UROC1: variants seen among roughly 807,000 people sequenced by gnomAD.
UROC1 encodes urocanate hydratase 1, also known as urocanate hydratase.
In UROC1, 79 loss-of-function variants were observed where a neutral mutation model predicts 89.5. The ratio of observed to expected loss-of-function variants is 0.88; its 90% confidence interval spans 0.74 to 1.06. The LOEUF (loss-of-function observed/expected upper bound fraction) is 1.06, where lower values mean the gene tolerates loss of function less well. UROC1 is among the 50% of genes least tolerant of loss of function. UROC1 has a pLI of 0.00. For missense variants in UROC1, 885 were observed against 907.8 expected, an observed-to-expected ratio of 0.97 and a Z score of 0.32; for synonymous variants, 361 against 354.8, an observed-to-expected ratio of 1.02 and a Z score of -0.20.
In UROC1 at chr3:126,492,445, G is replaced by A. The variant is rs1560117715; in HGVS notation, c.1581C>T (p.Asn527=). 1.2e-6 allele frequency: 2 copies of A among 1,613,626 alleles called. No individual in the cohort carries two copies. Among genetic ancestry groups the A allele is most frequent in the South Asian group, 2.2e-5 (2 of 91,052 alleles). The change falls in exon 16 of 20, where the codon AAC becomes AAT. Residue 527 remains asparagine (N), a synonymous_variant. Coordinates refer to ENST00000290868, the MANE Select transcript of UROC1 (RefSeq NM_144639.3). ...KGRVAIAVAI[N]QAIACRRIKA... is the part of the protein sequence containing the mutation. ...TGATCCTCCTGCAGGCGATGGCCTG[G>A]TTAATGGCCACAGCGATGGCCACGC...
At chr3:126,507,643 A>C in intron 6 of UROC1, 99 bp downstream of exon 6, 1 of 1,223,002 alleles carries the variant, frequency 8.2e-7, no homozygotes, top group Non-Finnish European at 1.2e-6. Context: ...TTCTGTGACT[A>C]TGTCTTTCAA....
chr3:126,495,974 C>T, intron 15 of UROC1, 64 bp downstream of exon 15: 2 of 1,536,168 alleles, frequency 1.3e-6, no homozygotes, highest in Non-Finnish European at 1.8e-6. Flanking sequence ...TCAGCAGCAC[C>T]TCACCTTTGG....
At chr3:126,498,026 T>C (rs913293163) in intron 14 of UROC1, 25 bp downstream of exon 14, 5 of 1,613,734 alleles carry the variant, frequency 3.1e-6, no homozygotes, top group East Asian at 2.2e-5. Context: ...CACCCACCCA[T>C]GGGCATCCCC....
At chr3:126,497,723 C>T (rs4322954) in intron 14 of UROC1, among the ~76,000 whole-genome samples, 39,840 of 152,196 alleles carry the variant, frequency 0.26, 5,546 homozygotes, top group East Asian at 0.56. Context: ...CTGCTTCAGC[C>T]GCTTTGAGGG....
chr3:126,484,001 G>A (rs1935453385), intron 18 of UROC1, among the ~76,000 whole-genome samples: 1 of 94,300 alleles, frequency 1.1e-5, no homozygotes, highest in Non-Finnish European at 2.5e-5. Flanking sequence ...ATAGGCATGG[G>A]CCACTGTGCC....
At chr3:126,496,829 T>A (rs914018555) in intron 14 of UROC1, among the ~76,000 whole-genome samples, 1 of 152,258 alleles carries the variant, frequency 6.6e-6, no homozygotes, top group Admixed American at 6.5e-5. Context: ...CTTCACAGCC[T>A]TCGACTAGAG....
intron 4 of UROC1, 127 bp downstream of exon 4, chr3:126,508,289 C>A: frequency 7.3e-7 from 1 of 1,378,254 alleles, no homozygotes; most frequent in Non-Finnish European, 1.0e-6. Context: ...ATCTCCAATG[C>A]TGGAGCCTCA....
chr3:126,503,508 C>T (rs888880966), intron 9 of UROC1, among the ~76,000 whole-genome samples: 5 of 152,226 alleles, frequency 3.3e-5, no homozygotes, highest in South Asian at 4.1e-4. Context: ...CCCTCAGCAC[C>T]GTGGGCGAAG....
chr3:126,499,323 C>T lies in UROC1; in HGVS notation c.1316+14G>A, dbSNP rs780820607. 1.7e-5 allele frequency: 27 copies of T among 1,609,314 alleles called. No homozygotes were observed. In the Admixed American group the frequency reaches 1.7e-4, roughly 10 times the overall value. On this transcript the variant is annotated intron_variant, in intron 13 of 19. Transcript: ENST00000290868. ...CACTGGGCACACTAGATGTGGCAGC[C>T]GCCCATCACTCACCCCATGATGTGC... is the stretch of plus-strand genomic sequence containing the variant.
Position 126,494,152 on chromosome 3 carries a change from A to C in UROC1, c.1510-1636T>G, listed in dbSNP as rs1935720752. Among the ~76,000 whole-genome samples, 5 of 152,230 alleles carry C rather than the reference A, an allele frequency of 3.3e-5. No individual in the cohort carries two copies. The South Asian group carries it at 1.0e-3, about 32-fold the overall frequency. On this transcript the variant is annotated intron_variant, in intron 15 of 19. Transcript: ENST00000290868. ...CCCACTTTGTCAAGAGGGTACATTA[A>C]AAGAAAATAAATCAAAAAATTTTAA...
intron 17 of UROC1, 42 bp downstream of exon 17, chr3:126,489,234 C>T: frequency 6.5e-7 from 1 of 1,547,726 alleles, no homozygotes. Context: ...TAATAAAATC[C>T]AAATCTAAGA....
chr3:126,501,140 T>C (rs1352466797), intron 10 of UROC1, 78 bp downstream of exon 10: 1 of 1,456,458 alleles, frequency 6.9e-7, no homozygotes, highest in African/African-American at 1.4e-5. Context: ...TGGCAGCTCC[T>C]GGTCAGCATT....
chr3:126,504,208 T>C, intron 8 of UROC1, 125 bp from the exon 9 acceptor site: 3 of 935,236 alleles, frequency 3.2e-6, no homozygotes, highest in Non-Finnish European at 5.1e-6. Flanking sequence ...TATAACACAG[T>C]CTCAGGGAAG....
chr3:126,497,829 G>A (rs563431445), intron 14 of UROC1, among the ~76,000 whole-genome samples: 5 of 152,236 alleles, frequency 3.3e-5, no homozygotes, highest in South Asian at 4.1e-4. Flanking sequence ...GTGCCTCCAC[G>A]GCTGAGAACG....
At position 126,504,032 on chromosome 3, in the gene UROC1, C is replaced by T; in HGVS notation, c.865G>A (p.Val289Met). 2 of 1,614,190 alleles carry T rather than the reference C, an allele frequency of 1.2e-6. No individual in the cohort carries two copies. The highest frequency in any genetic ancestry group is 2.2e-5 in the East Asian group (1 of 44,878). ...ATGCAGCGGTCCAAGCTGTCAGTCA[C>T]TTCCATCAGCCAGCCCTGCCTGTGG... The part of the protein sequence containing the change: ...KRHRQGWLME[V>M]TDSLDRCIQR... The change falls in exon 9 of 20, where the codon GTG (valine) becomes ATG (methionine). Residue 289 changes from valine to methionine, a missense_variant. Val to Met is a conservative substitution (Grantham distance 21). Coordinates refer to ENST00000290868, the MANE Select transcript of UROC1 (RefSeq NM_144639.3).
chr3:126,500,671 G>C (rs899394709), intron 11 of UROC1, 24 bp downstream of exon 11: 2 of 1,614,024 alleles, frequency 1.2e-6, no homozygotes, highest in African/African-American at 1.3e-5. Context: ...AAATGCTTCT[G>C]CCACCCCCAA....
chr3:126,494,210 G>C (rs1304964108), intron 15 of UROC1, among the ~76,000 whole-genome samples: 3 of 152,178 alleles, frequency 2.0e-5, no homozygotes, highest in African/African-American at 7.2e-5. Flanking sequence ...GTTCAGAAGA[G>C]AAAGCAACAG....
At position 126,500,115 on chromosome 3, in the gene UROC1, C is replaced by T. The variant is rs1384237966; in HGVS notation, c.1185G>A (p.Glu395=). The part of the protein sequence containing the change: ...RQVSAINRLA[E]EKFFFWDYGN... The stretch of plus-strand genomic sequence containing the variant: ...CGTAGTCCCAGAAGAAGAACTTCTC[C>T]TCGGCCAACCTGTTGATGGCTGAGA... The change falls in exon 12 of 20, where the codon GAG becomes GAA. Residue 395 remains glutamate, a synonymous_variant. Coordinates refer to ENST00000290868, the MANE Select transcript of UROC1 (RefSeq NM_144639.3). The T allele has an allele frequency of 1.2e-6, 2 of 1,613,956 alleles. No homozygotes were observed. Among genetic ancestry groups the T allele is most frequent in the Non-Finnish European group, 8.5e-7 (1 of 1,180,020 alleles).
rs756982232 is a variant in UROC1, at chr3:126,507,814, G to A, written c.541-11C>T. On this transcript the variant is annotated splice_polypyrimidine_tract_variant and intron_variant, in intron 5 of 19. Transcript: ENST00000290868. ...GTAGTTGGGAATGACCTGGAGAAGA[G>A]GATGGGGGCAGACAGAGGGGCTGAG... The A allele has an allele frequency of 6.2e-7, 1 of 1,614,040 alleles. No individual in the cohort carries two copies. Among genetic ancestry groups the A allele is most frequent in the African/African-American group, 1.3e-5 (1 of 74,938 alleles).
Sources: allele counts gnomAD v4.1 joint callset (sites outside exome capture counted in the v4.1 genomes callset), GRCh38; gene constraint gnomAD v4.1.1; transcripts MANE v1.5; gene names NCBI Gene and HGNC (gene_info 2026-07-23, HGNC 2026-07-21).